The following DROSHA variants were observed in gnomAD, a reference collection of about 807,000 sequenced individuals.
DROSHA encodes the protein ribonuclease 3.
Under a neutral mutation model 181.9 loss-of-function variants are expected in DROSHA, and 56 were observed. The ratio of observed to expected loss-of-function variants is 0.31; its 90% confidence interval spans 0.25 to 0.38. The LOEUF (loss-of-function observed/expected upper bound fraction) is 0.38, where lower values mean the gene tolerates loss of function less well. Ranked by LOEUF, DROSHA falls within the 10% of genes least tolerant of loss-of-function variation. The pLI is 1.00. For missense variants in DROSHA, 1,218 were observed against 1,743.5 expected (o/e 0.70, Z 5.37); for synonymous variants, 524 against 591.2 (o/e 0.89, Z 1.65).
At chr5:31,527,985 A>G (rs1740795882) in intron 4 of DROSHA, among the ~76,000 whole-genome samples, 1 of 151,900 alleles carries the variant, frequency 6.6e-6, no homozygotes, top group African/African-American at 2.4e-5. Flanking sequence ...CAATCAGTCC[A>G]GTTGCCTCCC....
intron 16 of DROSHA, among the ~76,000 whole-genome samples, chr5:31,473,997 C>G (rs944978868): frequency 2.0e-5 from 3 of 152,144 alleles, no homozygotes; most frequent in African/African-American, 7.2e-5. Flanking sequence ...ATGTCAGTAT[C>G]ACTAGGGAAA....
At chr5:31,483,518 T>C (rs1319283016) in intron 16 of DROSHA, 36 bp downstream of exon 16, 1 of 1,600,528 alleles carries the variant, frequency 6.2e-7, no homozygotes, top group Non-Finnish European at 8.5e-7. Context: ...TCAGATGCAC[T>C]ATCTCACCAG....
In DROSHA at chr5:31,504,602, T is replaced by G; in HGVS notation, c.1621A>C (p.Lys541Gln). ...TGCCTAATTCCTGTGCGTCTTGCCT[T>G]TGCGCTGCATTTGCAGAGTGGTCCA... The part of the protein sequence containing the change: ...NDGPLCKCSA[K>Q]ARRTGIRHSI... Residue 541 changes from lysine to glutamine, a missense_variant, in exon 11 of 36, where the codon AAG becomes CAG. This residue lies in a region of DROSHA where 460 missense variants were observed against 774.2 expected (regional missense o/e 0.59). Coordinates refer to ENST00000344624, the MANE Select transcript of DROSHA (RefSeq NM_001382508.1). 1 of 1,613,990 alleles carries G rather than the reference T, an allele frequency of 6.2e-7. No homozygotes were observed. The highest frequency in any genetic ancestry group is 8.5e-7 in the Non-Finnish European group (1 of 1,179,888).
rs1357920534 is a variant in DROSHA at position 31,411,133 on chromosome 5, T to C, written c.3526-246A>G. On this transcript the variant is annotated intron_variant, in intron 30 of 35. Transcript: ENST00000344624. The surrounding 1 kb of genome is among the most constrained non-coding windows in gnomAD (Gnocchi z 4.2). ...TTACTGACATAAATGGCTCATTTAC[T>C]TCTTTAGGAGCATTGGGGCAGGGCT... Among the ~76,000 whole-genome samples the C allele has an allele frequency of 6.6e-6, 1 of 152,168 alleles. No homozygotes were observed. The highest frequency in any genetic ancestry group is 6.5e-5 in the Admixed American group (1 of 15,282).
intron 30 of DROSHA, 82 bp from the exon 31 acceptor site, chr5:31,410,969 G>T: frequency 6.4e-7 from 1 of 1,566,660 alleles, no homozygotes; most frequent in Non-Finnish European, 8.7e-7. Context: ...CAACTAGCCT[G>T]AGAGGCTGTC....
Position 31,424,488 on chromosome 5 carries a change from T to C in DROSHA, c.3217-17A>G. Reference sequence around the variant, plus strand: ...GCGCAGGTCCTGGAAAATGGAGTGATGCCTTTAATGCTCAAGGGAGCCATT... The same window carrying C: ...GCGCAGGTCCTGGAAAATGGAGTGACGCCTTTAATGCTCAAGGGAGCCATT... On this transcript the variant is annotated splice_polypyrimidine_tract_variant and intron_variant, in intron 27 of 35. Coordinates refer to ENST00000344624, the MANE Select transcript of DROSHA (RefSeq NM_001382508.1). 1 of 1,584,280 alleles carries C rather than the reference T, an allele frequency of 6.3e-7. No individual in the cohort carries two copies. The highest frequency in any genetic ancestry group is 8.6e-7 in the Non-Finnish European group (1 of 1,164,742).
chr5:31,459,809 GCT>G (rs1182663319), intron 20 of DROSHA, among the ~76,000 whole-genome samples: 1 of 152,168 alleles, frequency 6.6e-6, no homozygotes, highest in African/African-American at 2.4e-5. Flanking sequence ...TCCAAATACA[GCT>G]CTCTGTCCAC....
chr5:31,440,956 A>G (rs79385637), intron 23 of DROSHA, among the ~76,000 whole-genome samples: 9,110 of 152,144 alleles, frequency 0.06, 375 homozygotes, highest in East Asian at 0.17. Flanking sequence ...CTATATGCAA[A>G]TATTCCAAAA....
intron 27 of DROSHA, among the ~76,000 whole-genome samples, chr5:31,427,992 GT>G (rs1437525567): frequency 1.3e-5 from 2 of 152,106 alleles, no homozygotes; most frequent in Non-Finnish European, 2.9e-5. Context: ...CAACCACCCT[GT>G]TTGTAAGATA....
intron 5 of DROSHA, among the ~76,000 whole-genome samples, chr5:31,524,751 T>A (rs1187089364): frequency 6.6e-6 from 1 of 152,170 alleles, no homozygotes; most frequent in African/African-American, 2.4e-5. Context: ...AGAATCCCAG[T>A]TTTAGAAATG....
intron 5 of DROSHA, among the ~76,000 whole-genome samples, chr5:31,524,230 C>G (rs1287671721): frequency 6.6e-6 from 1 of 152,144 alleles, no homozygotes; most frequent in Admixed American, 6.5e-5. Context: ...GAGCACTAAT[C>G]CCTCTCTTCA....
intron 13 of DROSHA, among the ~76,000 whole-genome samples, chr5:31,491,103 T>TA (rs953767613): frequency 6.6e-6 from 1 of 151,308 alleles, no homozygotes; most frequent in Non-Finnish European, 1.5e-5. Context: ...GTCCACATTT[T>TA]AAAAAAATTA....
At position 31,526,653 on chromosome 5, in the gene DROSHA, G is replaced by C; in HGVS notation, c.280C>G (p.Pro94Ala). 1 of 1,504,536 alleles carries C rather than the reference G, an allele frequency of 6.6e-7. No individual in the cohort carries two copies. The highest frequency in any genetic ancestry group is 1.3e-5 in the South Asian group (1 of 74,858). The allele number at this position is 1,504,536 out of a possible 1,614,324, so 93.2% of individuals were successfully genotyped here. ...AAAGGCGGCCTGATTGGGCAGGGGG[G>C]AAGAGGGCCTTGCGCTGACGGAGGC... is the stretch of plus-strand genomic sequence containing the variant. ...PMPPSAQGPL[P>A]PCPIRPPFPN... The change falls in exon 5 of 36, where the codon CCC becomes GCC. Residue 94 changes from proline to alanine, a missense_variant. By Grantham distance (27) the Pro-to-Ala change is conservative. This residue lies in a region of DROSHA where 536 missense variants were observed against 535.4 expected (regional missense o/e 1.00). Coordinates refer to ENST00000344624, the MANE Select transcript of DROSHA (RefSeq NM_001382508.1).
At chr5:31,484,781 G>T in intron 15 of DROSHA, 100 bp downstream of exon 15, 2 of 826,096 alleles carry the variant, frequency 2.4e-6, no homozygotes, top group South Asian at 1.7e-5. Context: ...AAAAATAAGA[G>T]AAATTTCAAC....
intron 8 of DROSHA, among the ~76,000 whole-genome samples, chr5:31,512,183 G>C (rs1441434392): frequency 6.6e-6 from 1 of 152,170 alleles, no homozygotes; most frequent in East Asian, 1.9e-4. Context: ...CATAAAATCT[G>C]GTACCCAGAA....
intron 23 of DROSHA, among the ~76,000 whole-genome samples, chr5:31,443,077 T>C (rs1745801162): frequency 6.6e-6 from 1 of 150,762 alleles, no homozygotes; most frequent in Admixed American, 6.6e-5. Context: ...TCTCACTCTG[T>C]CGCATGATCT....
intron 24 of DROSHA, among the ~76,000 whole-genome samples, chr5:31,436,555 G>A (rs915489676): frequency 6.6e-6 from 1 of 152,074 alleles, no homozygotes; most frequent in African/African-American, 2.4e-5. Flanking sequence ...ATCACACCTG[G>A]CTAATTTTTG....
chr5:31,460,167 G>A (rs1335864202), intron 20 of DROSHA, among the ~76,000 whole-genome samples: 2 of 152,088 alleles, frequency 1.3e-5, no homozygotes, highest in East Asian at 1.9e-4. Context: ...GAGTCATTAT[G>A]CTGAATTTTT....
intron 16 of DROSHA, among the ~76,000 whole-genome samples, chr5:31,480,844 A>G (rs531883318): frequency 8.5e-5 from 13 of 152,322 alleles, no homozygotes; most frequent in East Asian, 7.7e-4. Context: ...AAATTTTTTA[A>G]AAGGAAGAAA....
Sources: allele counts gnomAD v4.1 joint callset (sites outside exome capture counted in the v4.1 genomes callset), GRCh38; gene constraint gnomAD v4.1.1; regional missense constraint gnomAD v4.1.1; non-coding constraint Gnocchi (gnomAD v3.1); transcripts MANE v1.5; gene names NCBI Gene and HGNC (gene_info 2026-07-23, HGNC 2026-07-21).